The following TBC1D7 variants were observed in gnomAD, a reference collection of about 807,000 sequenced individuals.
The protein encoded by TBC1D7 is TBC1 domain family member 7.
TBC1D7 carries 33 observed loss-of-function variants against 35.3 expected under a neutral mutation model. The ratio of observed to expected loss-of-function variants is 0.93; its 90% CI spans 0.71 to 1.25. The LOEUF (loss-of-function observed/expected upper bound fraction) is 1.25. TBC1D7 is among the 50% of genes most tolerant of loss of function. TBC1D7 has a pLI of 0.00. For synonymous variants in TBC1D7, 135 were observed against 129.5 expected, an observed-to-expected ratio of 1.04 and a Z score of -0.29; for missense variants, 362 against 365.3, an observed-to-expected ratio of 0.99 and a Z score of 0.07.
At position 13,316,724 on chromosome 6, in the gene TBC1D7, T is replaced by C; in HGVS notation, c.382-16A>G. 1.9e-6 allele frequency: 3 copies of C among 1,612,660 alleles called. No homozygotes were observed. Among genetic ancestry groups the C allele is most frequent in the Non-Finnish European group, 2.5e-6 (3 of 1,179,502 alleles). On this transcript the variant is annotated splice_polypyrimidine_tract_variant and intron_variant, in intron 4 of 7. Coordinates refer to ENST00000379300, the MANE Select transcript of TBC1D7 (RefSeq NM_016495.6). The stretch of plus-strand genomic sequence containing the variant: ...CATCTGGCTCCTGAAAGATTAATAA[T>C]AAATCTCAAGAGGAAGGCAGTGAAA...
intron 4 of TBC1D7, chr6:13,318,717 T>TA (rs1381102452): frequency 8.5e-5 from 13 of 152,182 alleles, no homozygotes; most frequent in Non-Finnish European, 8.8e-5. Context: ...TTCACTGTTT[T>TA]AGCCAAACAA....
Position 13,321,030 on chromosome 6 carries a change from C to CCAAGTA in TBC1D7, c.253_258dup (p.Tyr85_Leu86dup). 6.2e-7 allele frequency: 1 copy of CCAAGTA among 1,614,104 alleles called. No individual in the cohort carries two copies. Among genetic ancestry groups the CCAAGTA allele is most frequent in the South Asian group, 1.1e-5 (1 of 91,078 alleles). On this transcript the variant is annotated inframe_insertion, in exon 4 of 8. Transcript: ENST00000379300. ...ACGACTTTCAGGGCATGAAGGACATCCAAGTACTGCTCCTTACGATACATC... is the reference window on the plus strand; with the variant it reads ...ACGACTTTCAGGGCATGAAGGACATCCAAGTACAAGTACTGCTCCTTACGATACATC...
intron 2 of TBC1D7, among the ~76,000 whole-genome samples, chr6:13,325,745 G>A (rs1012642564): frequency 6.6e-6 from 1 of 152,216 alleles, no homozygotes; most frequent in African/African-American, 2.4e-5. Context: ...CCCTATAACA[G>A]TGGTAGTTAT....
intron 3 of TBC1D7, 129 bp downstream of exon 3, chr6:13,324,965 C>T: frequency 3.2e-6 from 2 of 624,510 alleles, no homozygotes; most frequent in South Asian, 4.4e-5. Flanking sequence ...GTAATTGAAC[C>T]TCCTGGGGAA....
intron 2 of TBC1D7, 68 bp from the exon 3 acceptor site, chr6:13,325,242 A>G: frequency 8.4e-7 from 1 of 1,188,472 alleles, no homozygotes. Context: ...GGCACATTTC[A>G]TTTTTTAAAA....
At chr6:13,308,787 G>A (rs1311858308) in intron 5 of TBC1D7, among the ~76,000 whole-genome samples, 5 of 142,242 alleles carry the variant, frequency 3.5e-5, no homozygotes, top group Non-Finnish European at 7.7e-5. Flanking sequence ...TGGAGTGAAA[G>A]GTAAGAGAAA....
rs1782853678 is a variant in TBC1D7 at position 13,307,017 on chromosome 6, C to T, written c.666-490G>A. 1.9e-5 allele frequency: 3 copies of T among 154,884 alleles called. No individual in the cohort carries two copies. In the South Asian group the frequency reaches 5.8e-4, roughly 30 times the overall value. 9.6% of individuals were successfully genotyped at this position (154,884 alleles called of 1,614,324 possible). Reference sequence around the variant, plus strand: ...AGCCAGTTACTGATCTATAACCACTCTAAAATAATAATTCTGATCATTCCT... The same window carrying T: ...AGCCAGTTACTGATCTATAACCACTTTAAAATAATAATTCTGATCATTCCT... On this transcript the variant is annotated intron_variant, in intron 6 of 7. Transcript: ENST00000379300.
At chr6:13,305,210 T>C in intron 7 of TBC1D7, 23 bp from the exon 8 acceptor site, 3 of 1,612,946 alleles carry the variant, frequency 1.9e-6, no homozygotes, top group South Asian at 2.2e-5. Context: ...AAATCAGTCT[T>C]TGTGAAATTT....
rs1782714156 is a variant in TBC1D7, at chr6:13,305,034, G to A, written c.*67C>T. On this transcript the variant is annotated 3_prime_UTR_variant, in exon 8 of 8. Transcript: ENST00000379300. Reference sequence around the variant, plus strand: ...AGTGTATTATTCAATCAGTTTCCCAGATCACATGCCAAGAACACAATGCTC... The same window carrying A: ...AGTGTATTATTCAATCAGTTTCCCAAATCACATGCCAAGAACACAATGCTC... 3.0e-6 allele frequency: 4 copies of A among 1,318,782 alleles called. No homozygotes were observed. The South Asian group carries it at 4.2e-5, about 14-fold the overall frequency. 81.7% of individuals were successfully genotyped at this position (1,318,782 alleles called of 1,614,324 possible).
At chr6:13,313,031 TAAC>T (rs1584539308) in intron 5 of TBC1D7, among the ~76,000 whole-genome samples, 2 of 152,156 alleles carry the variant, frequency 1.3e-5, no homozygotes, top group East Asian at 3.9e-4. Flanking sequence ...TAATACAGTA[TAAC>T]AACTATTTAC....
intron 5 of TBC1D7, among the ~76,000 whole-genome samples, chr6:13,313,876 C>T (rs1783406243): frequency 6.6e-6 from 1 of 152,114 alleles, no homozygotes; most frequent in African/African-American, 2.4e-5. Context: ...TTTGTCTAAA[C>T]TGCCTTGGAA....
intron 7 of TBC1D7, 37 bp from the exon 8 acceptor site, chr6:13,305,224 T>C: frequency 6.3e-7 from 1 of 1,590,366 alleles, no homozygotes; most frequent in Non-Finnish European, 8.6e-7. Flanking sequence ...GAAATTTCAG[T>C]GTTGACAACT....
At chr6:13,317,297 G>GA (rs1783703626) in intron 4 of TBC1D7, among the ~76,000 whole-genome samples, 1 of 152,154 alleles carries the variant, frequency 6.6e-6, no homozygotes, top group Admixed American at 6.5e-5. Flanking sequence ...CTCAGAATGC[G>GA]AAAGTAAACT....
At chr6:13,317,632 A>C (rs1041387719) in intron 4 of TBC1D7, among the ~76,000 whole-genome samples, 2 of 152,232 alleles carry the variant, frequency 1.3e-5, no homozygotes, top group African/African-American at 4.8e-5. Context: ...TAATGTGTCA[A>C]AGGAGAATGG....
chr6:13,320,561 T>G (rs1783959495), intron 4 of TBC1D7: 1 of 571,618 alleles, frequency 1.7e-6, no homozygotes, highest in African/African-American at 1.9e-5. Context: ...CTACAATTTT[T>G]TATTTTTTAA....
At chr6:13,311,558 G>A (rs985634682) in intron 5 of TBC1D7, among the ~76,000 whole-genome samples, 4 of 152,158 alleles carry the variant, frequency 2.6e-5, no homozygotes, top group Non-Finnish European at 5.9e-5. Flanking sequence ...ACTTGATGCC[G>A]AAATCAAACA....
intron 5 of TBC1D7, among the ~76,000 whole-genome samples, chr6:13,311,905 G>A (rs972162535): frequency 4.0e-5 from 6 of 150,242 alleles, no homozygotes; most frequent in African/African-American, 1.5e-4. Flanking sequence ...TACCTCAATG[G>A]AATAAAAAGG....
intron 4 of TBC1D7, among the ~76,000 whole-genome samples, chr6:13,317,694 T>C (rs1364538183): frequency 6.6e-6 from 1 of 152,186 alleles, no homozygotes; most frequent in Non-Finnish European, 1.5e-5. Flanking sequence ...TGGACTCCCG[T>C]GCAGTTCTGT....
rs375117522 is a variant in TBC1D7, at chr6:13,305,092, C to T, written c.*9G>A. ...TGCCTGGCAGACGGTCCACAACCAG[C>T]GGGTGCGTTCAGCTTGAATGGACCG... is the stretch of plus-strand genomic sequence containing the variant. On this transcript the variant is annotated 3_prime_UTR_variant, in exon 8 of 8. Coordinates refer to ENST00000379300, the MANE Select transcript of TBC1D7 (RefSeq NM_016495.6). 43 of 1,601,544 alleles carry T rather than the reference C, an allele frequency of 2.7e-5. No individual in the cohort carries two copies. Among genetic ancestry groups the T allele is most frequent in the Admixed American group, 3.4e-5 (2 of 58,552 alleles).
Sources: gnomAD v4.1 joint callset for allele counts (sites outside exome capture counted in the v4.1 genomes callset) on GRCh38, gnomAD v4.1.1 for gene constraint, MANE v1.5 for transcripts, NCBI Gene and HGNC (gene_info 2026-07-23, HGNC 2026-07-21) for gene names.